Variants in LRRFIP1 observed in about 807,000 individuals in gnomAD.
The protein encoded by LRRFIP1 is LRR binding FLII interacting protein 1.
LRRFIP1 carries 62 observed loss-of-function variants against 104.4 expected under a neutral mutation model. That is an observed-to-expected ratio of 0.59 (90% confidence interval 0.48 to 0.73). LRRFIP1 has a LOEUF of 0.73. LRRFIP1 is among the 30% of genes least tolerant of loss of function. The pLI is 0.00. For missense variants in LRRFIP1, 796 were observed against 824.5 expected (o/e 0.97, Z 0.42); for synonymous variants, 300 against 299.0 (o/e 1.00, Z -0.03).
intron 2 of LRRFIP1, 167 bp downstream of exon 2, chr2:237,708,797 C>T (rs544568418): frequency 7.8e-5 from 61 of 779,648 alleles, no homozygotes; most frequent in South Asian, 2.6e-4. Context: ...GCCAGGAGTG[C>T]GCATAGCACG....
At chr2:237,690,386 A>C (rs986000443) in intron 1 of LRRFIP1, among the ~76,000 whole-genome samples, 1 of 152,190 alleles carries the variant, frequency 6.6e-6, no homozygotes, top group Non-Finnish European at 1.5e-5. Flanking sequence ...TTCTACAATA[A>C]ATTCCCAGAG....
intron 1 of LRRFIP1, among the ~76,000 whole-genome samples, chr2:237,650,959 C>T (rs1188946961): frequency 6.6e-6 from 1 of 152,140 alleles, no homozygotes; most frequent in Admixed American, 6.5e-5. Context: ...TCCACATCCT[C>T]CTTGAAATGC....
chr2:237,679,682 C>T (rs968579033), intron 1 of LRRFIP1, among the ~76,000 whole-genome samples: 5 of 152,184 alleles, frequency 3.3e-5, no homozygotes, highest in Non-Finnish European at 5.9e-5. Flanking sequence ...GATCTCGGCT[C>T]ACTGCAACCT....
In LRRFIP1 at chr2:237,763,683, A is replaced by G. The variant is rs764241179; in HGVS notation, c.1459+3478A>G. On this transcript the variant is annotated intron_variant, in intron 19 of 23. Coordinates refer to ENST00000308482, the MANE Select transcript of LRRFIP1 (RefSeq NM_001137550.2). ...AAAATTAAGTTGGATGGAAAACTTG[A>G]CCAAGAAGGTGATGATGTACAAACA... 19 of 1,614,126 alleles carry G rather than the reference A, an allele frequency of 1.2e-5. No homozygotes were observed. In the South Asian group the frequency reaches 2.0e-4, roughly 17 times the overall value.
rs145815963 is a variant in LRRFIP1 at position 237,669,989 on chromosome 2, T to C, written c.97-38555T>C. ...ACAGATTTGAATATTAGACACCATA[T>C]CATCTAATGAAAACCAGCTGGGAAG... On this transcript the variant is annotated intron_variant, in intron 1 of 23. Coordinates refer to ENST00000308482, the MANE Select transcript of LRRFIP1 (RefSeq NM_001137550.2). 3.1e-3 allele frequency among the ~76,000 whole-genome samples: 476 copies of C among 152,304 alleles called. 8 individuals are homozygous for C. The East Asian group carries it at 0.047, about 15-fold the overall frequency.
rs746595613 is a variant in LRRFIP1, at chr2:237,757,529, G to A, written c.1205G>A (p.Trp402Ter). ...TCTGATCTTCAGGAAACAATAGAGT[G>A]GAAAGACAAAAAGATAGGGGTAGGA... Reference protein sequence around the residue: ...EISDLQETIEWKDKKIGALER... With the variant: ...EISDLQETIE Residue 402 changes from tryptophan to a stop codon, truncating the protein, a stop_gained, in exon 17 of 24, where the codon TGG (tryptophan) becomes TAG (stop). Transcript: ENST00000308482. LOFTEE classifies it high-confidence loss of function. The A allele has an allele frequency of 1.6e-5, 25 of 1,584,238 alleles. No homozygotes were observed. Among genetic ancestry groups the A allele is most frequent in the Non-Finnish European group, 2.1e-5 (24 of 1,164,644 alleles).
chr2:237,727,752 C>G, intron 7 of LRRFIP1, 124 bp from the exon 8 acceptor site: 1 of 698,436 alleles, frequency 1.4e-6, no homozygotes, highest in East Asian at 2.5e-5. Context: ...CTGTCCTGGA[C>G]TGGTCATTCA....
At chr2:237,690,352 A>C (rs1380663976) in intron 1 of LRRFIP1, among the ~76,000 whole-genome samples, 1 of 152,216 alleles carries the variant, frequency 6.6e-6, no homozygotes, top group Non-Finnish European at 1.5e-5. Context: ...TGAAGTTGTG[A>C]CCACTGGTAA....
chr2:237,657,215 A>G (rs2086965682), intron 1 of LRRFIP1, among the ~76,000 whole-genome samples: 1 of 152,256 alleles, frequency 6.6e-6, no homozygotes, highest in Non-Finnish European at 1.5e-5. Flanking sequence ...AATGGGAAAC[A>G]GGAGCAAAAT....
chr2:237,708,466 C>G (rs150094393), intron 1 of LRRFIP1, 78 bp from the exon 2 acceptor site: 15,429 of 1,055,898 alleles, frequency 0.015, 170 homozygotes, highest in African/African-American at 0.037. Flanking sequence ...GATTTTCTTT[C>G]CGCATCATCA....
Position 237,717,585 on chromosome 2 carries a change from C to T in LRRFIP1, c.202-177C>T, listed in dbSNP as rs369466957. ...ACAGCTCACAGCCTGCATGACTGCACGGGTGGCGGTCCCTGTGGAGAAGCC... is the reference window on the plus strand; with the variant it reads ...ACAGCTCACAGCCTGCATGACTGCATGGGTGGCGGTCCCTGTGGAGAAGCC... On this transcript the variant is annotated intron_variant, in intron 3 of 23. Coordinates refer to ENST00000308482, the MANE Select transcript of LRRFIP1 (RefSeq NM_001137550.2). The surrounding 1 kb of genome is among the most constrained non-coding windows in gnomAD (Gnocchi z 4.2). Among the ~76,000 whole-genome samples, 2 of 152,144 alleles carry T rather than the reference C, an allele frequency of 1.3e-5. No individual in the cohort carries two copies. Among genetic ancestry groups the T allele is most frequent in the African/African-American group, 2.4e-5 (1 of 41,430 alleles).
chr2:237,650,228 C>A (rs1279047796), intron 1 of LRRFIP1, among the ~76,000 whole-genome samples: 1 of 151,902 alleles, frequency 6.6e-6, no homozygotes, highest in African/African-American at 2.4e-5. Flanking sequence ...GGAAAGACAG[C>A]AGGTGCAACA....
chr2:237,642,019 G>T (rs1296744477), intron 1 of LRRFIP1, among the ~76,000 whole-genome samples: 1 of 152,150 alleles, frequency 6.6e-6, no homozygotes, highest in Non-Finnish European at 1.5e-5. Context: ...AATCTTTGGG[G>T]TACCCAGGGA....
chr2:237,747,019 G>T (rs1478613083), intron 11 of LRRFIP1, among the ~76,000 whole-genome samples: 5 of 152,250 alleles, frequency 3.3e-5, no homozygotes, highest in Admixed American at 2.6e-4. Flanking sequence ...CTGGTTAGAT[G>T]AGAGTAGAAA....
At chr2:237,757,395 G>A (rs540860516) in intron 16 of LRRFIP1, 61 bp from the exon 17 acceptor site, 26 of 1,121,614 alleles carry the variant, frequency 2.3e-5, no homozygotes, top group South Asian at 9.5e-5. Context: ...GTTCTCTCTC[G>A]GGCTGGGGTT....
At position 237,719,585 on chromosome 2, in the gene LRRFIP1, T is replaced by C. The variant is rs957181057; in HGVS notation, c.294+18T>C. On this transcript the variant is annotated intron_variant, in intron 5 of 23. Transcript: ENST00000308482. ...ACACATCGGTTAGTACCGTGTTCAT[T>C]CATTACTTGGGCAATTTGATTGAAT... The C allele has an allele frequency of 6.2e-7, 1 of 1,600,892 alleles. No homozygotes were observed. The highest frequency in any genetic ancestry group is 1.1e-5 in the South Asian group (1 of 89,970).
At chr2:237,763,385 CAG>C in intron 19 of LRRFIP1, 1 of 1,614,016 alleles carries the variant, frequency 6.2e-7, no homozygotes, top group Non-Finnish European at 8.5e-7. Flanking sequence ...GAGTGACCAA[CAG>C]GGAGAGGCAT....
rs371278064 is a variant in LRRFIP1 at position 237,643,821 on chromosome 2, A to C, written c.96+16081A>C. 3.3e-5 allele frequency among the ~76,000 whole-genome samples: 5 copies of C among 152,374 alleles called. No individual in the cohort carries two copies. The East Asian group carries it at 9.6e-4, about 29-fold the overall frequency. Reference sequence around the variant, plus strand: ...AAATTCTGATTGTTTTCAAACTAGAACAAGATTTGAAAAGGCTTGTCAGAA... The same window carrying C: ...AAATTCTGATTGTTTTCAAACTAGACCAAGATTTGAAAAGGCTTGTCAGAA... On this transcript the variant is annotated intron_variant, in intron 1 of 23. Transcript: ENST00000308482.
At chr2:237,651,964 G>T (rs976189407) in intron 1 of LRRFIP1, among the ~76,000 whole-genome samples, 5 of 152,214 alleles carry the variant, frequency 3.3e-5, no homozygotes, top group African/African-American at 1.2e-4. Context: ...CAGCTCCAGC[G>T]TCTCCACCAG....
Sources: allele counts gnomAD v4.1 joint callset (sites outside exome capture counted in the v4.1 genomes callset), GRCh38; gene constraint gnomAD v4.1.1; non-coding constraint Gnocchi (gnomAD v3.1); transcripts MANE v1.5; gene names NCBI Gene and HGNC (gene_info 2026-07-23, HGNC 2026-07-21).